Variants in MAP2K5 observed in about 807,000 individuals in gnomAD.
MAP2K5 encodes the protein mitogen-activated protein kinase kinase 5, also known as dual specificity mitogen-activated protein kinase kinase 5.
In MAP2K5, 49 loss-of-function variants were observed where a neutral mutation model predicts 83.1. That is an observed-to-expected ratio of 0.59 (90% confidence interval 0.47 to 0.75). The LOEUF (loss-of-function observed/expected upper bound fraction) is 0.75. Ranked by LOEUF, MAP2K5 falls within the 30% of genes least tolerant of loss-of-function variation. The pLI is 0.00. For synonymous variants in MAP2K5, 202 were observed against 191.8 expected (o/e 1.05, Z -0.44); for missense variants, 457 against 557.5 (o/e 0.82, Z 1.82).
Position 67,748,485 on chromosome 15 carries a change from G to T in MAP2K5, c.1102-84G>T. The T allele has an allele frequency of 1.7e-6, 2 of 1,148,016 alleles. No individual in the cohort carries two copies. Among genetic ancestry groups the T allele is most frequent in the East Asian group, 2.4e-5 (1 of 42,522 alleles). The allele number at this position is 1,148,016 out of a possible 1,614,324, so 71.1% of individuals were successfully genotyped here. A position where few individuals can be genotyped will look rare whatever the true frequency, so the allele number is the denominator to read the frequency against. On this transcript the variant is annotated intron_variant, in intron 18 of 21. Transcript: ENST00000178640. The surrounding 1 kb of genome is among the most constrained non-coding windows in gnomAD (Gnocchi z 4.0). ...TTGATTAATCTTGCTATATTTTATT[G>T]CATTAATGATTTTTTCTTTCCACTC...
intron 3 of MAP2K5, among the ~76,000 whole-genome samples, chr15:67,575,135 A>G (rs2085027449): frequency 6.6e-6 from 1 of 152,148 alleles, no homozygotes; most frequent in African/African-American, 2.4e-5. Context: ...CTTAGGAGAG[A>G]AATCTGGGCT....
intron 21 of MAP2K5, among the ~76,000 whole-genome samples, chr15:67,789,334 C>CTT (rs1345418053): frequency 6.6e-6 from 1 of 152,002 alleles, no homozygotes; most frequent in Non-Finnish European, 1.5e-5. Flanking sequence ...TCTTTGTATA[C>CTT]TGGATATGAG....
Position 67,746,574 on chromosome 15 carries a change from G to C in MAP2K5, c.1075-1657G>C, listed in dbSNP as rs983979404. 1.3e-5 allele frequency among the ~76,000 whole-genome samples: 2 copies of C among 151,984 alleles called. No individual in the cohort carries two copies. The highest frequency in any genetic ancestry group is 2.9e-5 in the Non-Finnish European group (2 of 68,032). Reference sequence around the variant, plus strand: ...GTTACTGAAATTCTTAACCACTTCCGGGTGGTGGTTACAGCTCCGCCTTCC... The same window carrying C: ...GTTACTGAAATTCTTAACCACTTCCCGGTGGTGGTTACAGCTCCGCCTTCC... On this transcript the variant is annotated intron_variant, in intron 17 of 21. Transcript: ENST00000178640. This position sits in a 1 kb window ranked among gnomAD's most constrained non-coding sequence, Gnocchi z 4.1.
chr15:67,630,973 T>G (rs769326751), intron 9 of MAP2K5, 46 bp downstream of exon 9: 1 of 1,425,896 alleles, frequency 7.0e-7, no homozygotes, highest in South Asian at 1.2e-5. Context: ...TTCACCTCTT[T>G]CCTTTCCTCT....
At chr15:67,741,458 C>G (rs1288416093) in intron 17 of MAP2K5, among the ~76,000 whole-genome samples, 1 of 152,200 alleles carries the variant, frequency 6.6e-6, no homozygotes, top group African/African-American at 2.4e-5. Context: ...CAACCCACTT[C>G]CTGTCTGAGA....
At chr15:67,765,594 T>C (rs764001708) in intron 19 of MAP2K5, among the ~76,000 whole-genome samples, 1 of 152,182 alleles carries the variant, frequency 6.6e-6, no homozygotes, top group South Asian at 2.1e-4. Flanking sequence ...TTTTTCTCAT[T>C]GATGCTTTCT....
chr15:67,622,233 T>C (rs1014877493), intron 8 of MAP2K5, among the ~76,000 whole-genome samples: 1 of 150,614 alleles, frequency 6.6e-6, no homozygotes, highest in Non-Finnish European at 1.5e-5. Context: ...AGAAACAATA[T>C]AGGACCTGAA....
At position 67,779,458 on chromosome 15, in the gene MAP2K5, G is replaced by A. The variant is rs1209486887; in HGVS notation, c.1242+6706G>A. 3.3e-5 allele frequency among the ~76,000 whole-genome samples: 5 copies of A among 152,208 alleles called. No individual in the cohort carries two copies. The highest frequency in any genetic ancestry group is 7.3e-5 in the Non-Finnish European group (5 of 68,044). ...AGAAAACAGGCTTTGTTTTTCCATA[G>A]ATGTGACCACTTAATCTTTTCACAA... On this transcript the variant is annotated intron_variant, in intron 21 of 21. Coordinates refer to ENST00000178640, the MANE Select transcript of MAP2K5 (RefSeq NM_145160.3). The surrounding 1 kb of genome is among the most constrained non-coding windows in gnomAD (Gnocchi z 4.6).
intron 1 of MAP2K5, among the ~76,000 whole-genome samples, chr15:67,547,110 AT>A (rs75433729): frequency 0.15 from 22,288 of 151,756 alleles, 2,141 homozygotes; most frequent in African/African-American, 0.26. Flanking sequence ...ACACACACAG[AT>A]TTCTGTCTAA....
intron 7 of MAP2K5, among the ~76,000 whole-genome samples, chr15:67,597,888 G>T (rs1474671165): frequency 6.6e-6 from 1 of 152,070 alleles, no homozygotes; most frequent in African/African-American, 2.4e-5. Flanking sequence ...AAAAGAAAAA[G>T]AATCTGATAT....
In MAP2K5 at chr15:67,708,530, T is replaced by C. The variant is rs2088614394; in HGVS notation, c.1044+5122T>C. Among the ~76,000 whole-genome samples the C allele has an allele frequency of 6.6e-6, 1 of 152,088 alleles. No individual in the cohort carries two copies. Among genetic ancestry groups the C allele is most frequent in the Non-Finnish European group, 1.5e-5 (1 of 68,008 alleles). On this transcript the variant is annotated intron_variant, in intron 16 of 21. Transcript: ENST00000178640. This position sits in a 1 kb window ranked among gnomAD's most constrained non-coding sequence, Gnocchi z 4.9. Reference sequence around the variant, plus strand: ...TTTTTCTAGAGACGTGGTCTTGATATGTTGCCCAGTGTTGCCTCGAATTCC... The same window carrying C: ...TTTTTCTAGAGACGTGGTCTTGATACGTTGCCCAGTGTTGCCTCGAATTCC...
chr15:67,800,308 T>G (rs2090681146), intron 21 of MAP2K5, among the ~76,000 whole-genome samples: 1 of 152,114 alleles, frequency 6.6e-6, no homozygotes, highest in Admixed American at 6.5e-5. Context: ...AATGTAGAAG[T>G]GGGGTTTTTT....
At position 67,646,466 on chromosome 15, in the gene MAP2K5, G is replaced by A; in HGVS notation, c.733G>A (p.Asp245Asn). 1 of 1,568,642 alleles carries A rather than the reference G, an allele frequency of 6.4e-7. No individual in the cohort carries two copies. The highest frequency in any genetic ancestry group is 1.2e-5 in the South Asian group (1 of 86,552). The change falls in exon 11 of 22, where the codon GAT becomes AAT. Residue 245 changes from aspartate (D) to asparagine (N), a missense_variant. Around this residue, in one of 3 missense-constraint regions of MAP2K5, gnomAD observed 168 missense variants for 263.0 expected, o/e 0.64. Coordinates refer to ENST00000178640, the MANE Select transcript of MAP2K5 (RefSeq NM_145160.3). The stretch of plus-strand genomic sequence containing the variant: ...GATTTCAATATGTACAGAATTCATG[G>A]ATGGTGAGTTTTCCCTTTTATAATA... ...NRISICTEFM[D>N]GGSLDVYRKM...
chr15:67,543,537 T>G lies in MAP2K5; in HGVS notation c.135+67T>G. The G allele has an allele frequency of 6.3e-7, 1 of 1,574,880 alleles. No homozygotes were observed. The highest frequency in any genetic ancestry group is 8.7e-7 in the Non-Finnish European group (1 of 1,148,912). ...TCAGGGACTTGAGTAGTCAGCACCT[T>G]GACCACTGGTGACCTGAGCCAGTGG... On this transcript the variant is annotated intron_variant, in intron 1 of 21. Coordinates refer to ENST00000178640, the MANE Select transcript of MAP2K5 (RefSeq NM_145160.3). This position sits in a 1 kb window ranked among gnomAD's most constrained non-coding sequence, Gnocchi z 4.3.
chr15:67,703,375 T>C lies in MAP2K5; in HGVS notation c.1011T>C (p.Ser337=), dbSNP rs774829219. Reference sequence around the variant, plus strand: ...CAGGGGAGCAGTATGGAATTCATTCTGATGTCTGGAGCTTAGGAATCTCTT... The same window carrying C: ...CAGGGGAGCAGTATGGAATTCATTCCGATGTCTGGAGCTTAGGAATCTCTT... ...RISGEQYGIH[S]DVWSLGISFM... is the part of the protein sequence containing the mutation. The change falls in exon 16 of 22, where the codon TCT becomes TCC. Residue 337 remains serine, a synonymous_variant. Coordinates refer to ENST00000178640, the MANE Select transcript of MAP2K5 (RefSeq NM_145160.3). 2 of 1,613,782 alleles carry C rather than the reference T, an allele frequency of 1.2e-6. No homozygotes were observed. Among genetic ancestry groups the C allele is most frequent in the East Asian group, 4.5e-5 (2 of 44,878 alleles).
intron 16 of MAP2K5, among the ~76,000 whole-genome samples, chr15:67,723,271 T>C (rs2089009657): frequency 6.6e-6 from 1 of 152,196 alleles, no homozygotes; most frequent in African/African-American, 2.4e-5. Context: ...TGATCTCTCT[T>C]TCACGCACAG....
chr15:67,748,030 T>C lies in MAP2K5; in HGVS notation c.1075-201T>C, dbSNP rs538960527. 9.1e-4 allele frequency among the ~76,000 whole-genome samples: 139 copies of C among 152,344 alleles called. No individual in the cohort carries two copies. The highest frequency in any genetic ancestry group is 1.7e-3 in the Non-Finnish European group (119 of 68,022). On this transcript the variant is annotated intron_variant, in intron 17 of 21. Transcript: ENST00000178640. The surrounding 1 kb of genome is among the most constrained non-coding windows in gnomAD (Gnocchi z 4.0). ...ACCTGGAGGGTACTAAAAAGTGTTG[T>C]GTGAAATTAACATTCTGCTGACTTT...
chr15:67,725,212 A>C (rs1273934120), intron 16 of MAP2K5, among the ~76,000 whole-genome samples: 1 of 150,296 alleles, frequency 6.7e-6, no homozygotes, highest in Non-Finnish European at 1.5e-5. Context: ...TGTCTTACAG[A>C]GCAAACAAAT....
rs890197425 is a variant in MAP2K5, at chr15:67,758,717, A to G, written c.1134+10116A>G. On this transcript the variant is annotated intron_variant, in intron 19 of 21. Transcript: ENST00000178640. This position sits in a 1 kb window ranked among gnomAD's most constrained non-coding sequence, Gnocchi z 4.7. ...GTTCTCTACCAGAATTCAGAAGTCT[A>G]AGCCTTAACCTTTGTGGTTTACACA... Among the ~76,000 whole-genome samples the G allele has an allele frequency of 1.3e-5, 2 of 152,200 alleles. No homozygotes were observed. The highest frequency in any genetic ancestry group is 2.9e-5 in the Non-Finnish European group (2 of 68,026).
Sources: allele counts gnomAD v4.1 joint callset (sites outside exome capture counted in the v4.1 genomes callset), GRCh38; gene constraint gnomAD v4.1.1; regional missense constraint gnomAD v4.1.1; non-coding constraint Gnocchi (gnomAD v3.1); transcripts MANE v1.5; gene names NCBI Gene and HGNC (gene_info 2026-07-23, HGNC 2026-07-21).